Variants in RBM20 observed in about 807,000 individuals in gnomAD.
The protein encoded by RBM20 is RNA binding motif protein 20, also known as RNA-binding protein 20.
In RBM20, 51 loss-of-function variants were observed where a neutral mutation model predicts 110.1. The observed-to-expected ratio is 0.46, with a 90% CI of 0.37 to 0.59. The LOEUF is 0.59. RBM20 is among the 20% of genes least tolerant of loss of function. The probability of loss-of-function intolerance (pLI) is 0.00; values close to 1 mark genes in which losing one functional copy is unlikely to be tolerated. For missense variants in RBM20, 1,512 were observed against 1,574.9 expected, an observed-to-expected ratio of 0.96 and a Z score of 0.68; for synonymous variants, 589 against 618.2, an observed-to-expected ratio of 0.95 and a Z score of 0.70.
At chr10:110,773,277 CAGAT>C (rs1383563763) in intron 1 of RBM20, among the ~76,000 whole-genome samples, 1 of 152,174 alleles carries the variant, frequency 6.6e-6, no homozygotes, top group East Asian at 1.9e-4. Flanking sequence ...GATACACAGA[CAGAT>C]AGACACACCA....
At chr10:110,690,591 C>T (rs568475136) in intron 1 of RBM20, among the ~76,000 whole-genome samples, 1 of 152,296 alleles carries the variant, frequency 6.6e-6, no homozygotes, top group South Asian at 2.1e-4. Flanking sequence ...TACTTTCTGT[C>T]TCTATGAATT....
intron 13 of RBM20, among the ~76,000 whole-genome samples, chr10:110,835,021 C>A (rs913181343): frequency 6.6e-6 from 1 of 152,214 alleles, no homozygotes; most frequent in Non-Finnish European, 1.5e-5. Flanking sequence ...AGGCTCCCCA[C>A]CCACTAGCCT....
chr10:110,835,631 G>A, intron 13 of RBM20: 1 of 343,268 alleles, frequency 2.9e-6, no homozygotes, highest in Non-Finnish European at 5.3e-6. Flanking sequence ...CACCACGCTC[G>A]GCCTGTACTT....
At chr10:110,720,175 T>A (rs1220292291) in intron 1 of RBM20, among the ~76,000 whole-genome samples, 1 of 152,178 alleles carries the variant, frequency 6.6e-6, no homozygotes, top group African/African-American at 2.4e-5. Context: ...ACATATGGGT[T>A]TTGGGAGAAC....
chr10:110,810,899 A>G (rs956380943), intron 8 of RBM20, among the ~76,000 whole-genome samples: 5 of 151,966 alleles, frequency 3.3e-5, no homozygotes, highest in African/African-American at 4.8e-5. Flanking sequence ...CTTGGTTTTC[A>G]TAAGTTGAAT....
At chr10:110,706,019 T>C (rs1027879179) in intron 1 of RBM20, among the ~76,000 whole-genome samples, 1 of 151,644 alleles carries the variant, frequency 6.6e-6, no homozygotes, top group African/African-American at 2.4e-5. Flanking sequence ...AGGTGGCGTT[T>C]GCAGTGAGCC....
chr10:110,677,186 C>T (rs1027604831), intron 1 of RBM20, among the ~76,000 whole-genome samples: 12 of 152,154 alleles, frequency 7.9e-5, no homozygotes, highest in Admixed American at 5.2e-4. Flanking sequence ...AGGCCTCTCT[C>T]CTCTTATAAA....
At chr10:110,815,667 T>C (rs1844828644) in intron 9 of RBM20, among the ~76,000 whole-genome samples, 1 of 152,234 alleles carries the variant, frequency 6.6e-6, no homozygotes, top group Non-Finnish European at 1.5e-5. Context: ...CTCACACTCC[T>C]GAGACTCTGC....
chr10:110,783,178 G>A (rs1590676372), intron 2 of RBM20, among the ~76,000 whole-genome samples, 188 bp from the exon 3 acceptor site: 1 of 152,128 alleles, frequency 6.6e-6, no homozygotes, highest in East Asian at 1.9e-4. Flanking sequence ...AGCAAAGGCT[G>A]GATGGGGAGG....
Position 110,739,260 on chromosome 10 carries a change from A to G in RBM20, c.192-41541A>G, listed in dbSNP as rs934446668. 3.3e-5 allele frequency among the ~76,000 whole-genome samples: 5 copies of G among 152,236 alleles called. No homozygotes were observed. The highest frequency in any genetic ancestry group is 9.6e-5 in the African/African-American group (4 of 41,472). On this transcript the variant is annotated intron_variant, in intron 1 of 13. Coordinates refer to ENST00000369519, the MANE Select transcript of RBM20 (RefSeq NM_001134363.3). The surrounding 1 kb of genome is among the most constrained non-coding windows in gnomAD (Gnocchi z 4.1). ...TGTGTTTTTAGGAAGATATTTGAGCAGGAGATCATGAAAATTTTGCAAGAA... is the reference window on the plus strand; with the variant it reads ...TGTGTTTTTAGGAAGATATTTGAGCGGGAGATCATGAAAATTTTGCAAGAA...
intron 3 of RBM20, 112 bp from the exon 4 acceptor site, chr10:110,784,229 A>G: frequency 2.7e-6 from 2 of 731,788 alleles, no homozygotes; most frequent in Non-Finnish European, 4.7e-6. Context: ...TTGTTTGAAC[A>G]CCTGTTTTCA....
rs755358087 is a variant in RBM20 at position 110,804,843 on chromosome 10, G to A, written c.1800+4925G>A. The stretch of plus-strand genomic sequence containing the variant: ...GTGTCTCCCAGTCACTTCATCAGAG[G>A]GTCATCAGGGGATTTTTTGTGGGGG... On this transcript the variant is annotated intron_variant, in intron 7 of 13. Coordinates refer to ENST00000369519, the MANE Select transcript of RBM20 (RefSeq NM_001134363.3). Among the ~76,000 whole-genome samples, 40 of 152,194 alleles carry A rather than the reference G, an allele frequency of 2.6e-4. 1 individual carries two copies. Among genetic ancestry groups the A allele is most frequent in the Non-Finnish European group, 5.6e-4 (38 of 68,048 alleles).
chr10:110,784,976 G>C, intron 5 of RBM20, 87 bp downstream of exon 5: 1 of 837,756 alleles, frequency 1.2e-6, no homozygotes, highest in Non-Finnish European at 1.9e-6. Context: ...AGCCAGGCTG[G>C]AATGCAATGG....
chr10:110,736,332 TC>T (rs1843669579), intron 1 of RBM20, among the ~76,000 whole-genome samples: 1 of 152,182 alleles, frequency 6.6e-6, no homozygotes, highest in African/African-American at 2.4e-5. Context: ...ATTCCTTGCT[TC>T]TTTTTCCCTT....
chr10:110,706,716 AGGGTAAAGAGGCTCTG>A (rs1862844684), intron 1 of RBM20, among the ~76,000 whole-genome samples: 2 of 152,146 alleles, frequency 1.3e-5, no homozygotes, highest in African/African-American at 4.8e-5. Context: ...CCTTGGCTTG[AGGGTAAAGAGGCTCTG>A]CAGCTGTTTC....
At chr10:110,829,934 G>A (rs2135136233) in intron 12 of RBM20, among the ~76,000 whole-genome samples, 1 of 152,326 alleles carries the variant, frequency 6.6e-6, no homozygotes, top group African/African-American at 2.4e-5. Flanking sequence ...CTGCAAGTGG[G>A]ATTGGGTGTT....
intron 1 of RBM20, among the ~76,000 whole-genome samples, chr10:110,743,261 C>G (rs1843741089): frequency 6.6e-6 from 1 of 152,160 alleles, no homozygotes; most frequent in Non-Finnish European, 1.5e-5. Flanking sequence ...CTCTAAACCT[C>G]CAATGGGGTA....
At chr10:110,675,703 C>A (rs1166830868) in intron 1 of RBM20, among the ~76,000 whole-genome samples, 1 of 152,154 alleles carries the variant, frequency 6.6e-6, no homozygotes, top group Non-Finnish European at 1.5e-5. Context: ...TCTAAGGGAG[C>A]CCCGCCTTTC....
chr10:110,804,096 G>GT (rs1844666416), intron 7 of RBM20, among the ~76,000 whole-genome samples: 1 of 152,182 alleles, frequency 6.6e-6, no homozygotes, highest in African/African-American at 2.4e-5. Context: ...GAAAGCCAGA[G>GT]TTTTTTCCTA....
Sources: allele counts gnomAD v4.1 joint callset (sites outside exome capture counted in the v4.1 genomes callset), GRCh38; gene constraint gnomAD v4.1.1; non-coding constraint Gnocchi (gnomAD v3.1); transcripts MANE v1.5; gene names NCBI Gene and HGNC (gene_info 2026-07-23, HGNC 2026-07-21).